The following CUX1 variants were observed in gnomAD, a reference collection of about 807,000 sequenced individuals.
The protein encoded by CUX1 is cut like homeobox 1, also known as protein CASP.
Under a neutral mutation model 158.8 loss-of-function variants are expected in CUX1, and 31 were observed. The ratio of observed to expected loss-of-function variants is 0.20; its 90% CI spans 0.15 to 0.26. CUX1 has a LOEUF of 0.26. CUX1 is among the 10% of genes least tolerant of loss of function. The probability of loss-of-function intolerance (pLI) is 1.00; values close to 1 mark genes in which losing one functional copy is unlikely to be tolerated. For missense variants in CUX1, 1,589 were observed against 2,014.6 expected (o/e 0.79, Z 4.04); for synonymous variants, 879 against 862.1 (o/e 1.02, Z -0.34).
chr7:102,237,562 G>A (rs578134349), intron 22 of CUX1, among the ~76,000 whole-genome samples: 27 of 152,158 alleles, frequency 1.8e-4, no homozygotes, highest in Non-Finnish European at 3.5e-4. Context: ...GATTATAGGC[G>A]AGAGCCACCA....
chr7:102,115,360 C>A (rs1012793191), intron 8 of CUX1, 87 bp downstream of exon 8: 7 of 1,131,164 alleles, frequency 6.2e-6, no homozygotes, highest in Non-Finnish European at 9.1e-6. Flanking sequence ...AGGTTCTTGA[C>A]CTCTGTGCTG....
At chr7:102,205,790 C>T (rs1021631695) in intron 20 of CUX1, among the ~76,000 whole-genome samples, 2 of 152,134 alleles carry the variant, frequency 1.3e-5, no homozygotes, top group Non-Finnish European at 2.9e-5. Flanking sequence ...GCCTCGAGGT[C>T]TCCAACCACA....
In CUX1 at chr7:102,031,369, T is replaced by TTTTG. The variant is rs372914061; in HGVS notation, c.189+3241_189+3244dup. On this transcript the variant is annotated intron_variant, in intron 3 of 23. Coordinates refer to ENST00000292535, the MANE Select transcript of CUX1 (RefSeq NM_181552.4). Reference sequence around the variant, plus strand: ...TGAGCCACCGCGCCTGGCCTGATTTTTTTGTTTGTTTGTTTGTTTGCTTTT... The same window carrying TTTTG: ...TGAGCCACCGCGCCTGGCCTGATTTTTTTGTTTGTTTGTTTGTTTGTTTGCTTTT... 2.1e-4 allele frequency among the ~76,000 whole-genome samples: 32 copies of TTTTG among 152,244 alleles called. No individual in the cohort carries two copies. The East Asian group carries it at 2.5e-3, about 12-fold the overall frequency.
intron 8 of CUX1, among the ~76,000 whole-genome samples, chr7:102,124,954 G>A (rs545788038): frequency 2.6e-5 from 4 of 152,122 alleles, no homozygotes; most frequent in Non-Finnish European, 5.9e-5. Flanking sequence ...GCTAATTTTT[G>A]TATTTTTAAC....
intron 1 of CUX1, among the ~76,000 whole-genome samples, chr7:101,833,502 G>A (rs1442998825): frequency 1.4e-5 from 2 of 140,738 alleles, no homozygotes; most frequent in African/African-American, 5.3e-5. Flanking sequence ...CTGCAGTGAC[G>A]TATGACAGTG....
chr7:102,105,417 T>G (rs1389386629), intron 6 of CUX1, among the ~76,000 whole-genome samples: 1 of 151,466 alleles, frequency 6.6e-6, no homozygotes, highest in Non-Finnish European at 1.5e-5. Flanking sequence ...TGAGTTGGTT[T>G]TCCCCTAGTG....
At chr7:102,097,331 G>A (rs782014907) in intron 4 of CUX1, 33 bp from the exon 5 acceptor site, 16 of 1,591,672 alleles carry the variant, frequency 1.0e-5, no homozygotes, top group South Asian at 4.6e-5. Context: ...TTTGCTGGCC[G>A]AGTGGGGTGA....
chr7:101,862,946 C>T (rs1797611472), intron 1 of CUX1, among the ~76,000 whole-genome samples: 1 of 151,508 alleles, frequency 6.6e-6, no homozygotes, highest in African/African-American at 2.4e-5. Context: ...TATACCCAAA[C>T]AGAAGAAGAT....
chr7:101,913,959 T>C (rs1803821884), intron 1 of CUX1, among the ~76,000 whole-genome samples: 1 of 152,088 alleles, frequency 6.6e-6, no homozygotes, highest in Non-Finnish European at 1.5e-5. Flanking sequence ...CCCTCCTCCC[T>C]CCAGATTGTT....
At chr7:101,853,156 C>A (rs189485851) in intron 1 of CUX1, among the ~76,000 whole-genome samples, 3 of 152,318 alleles carry the variant, frequency 2.0e-5, no homozygotes, top group African/African-American at 7.2e-5. Context: ...ATTCCTCCCA[C>A]CTCCTATTCC....
Position 102,227,350 on chromosome 7 carries a change from G to T in CUX1, c.3131-17G>T. 2 of 1,589,012 alleles carry T rather than the reference G, an allele frequency of 1.3e-6. No homozygotes were observed. The highest frequency in any genetic ancestry group is 2.3e-5 in the East Asian group (1 of 44,362). On this transcript the variant is annotated splice_polypyrimidine_tract_variant and intron_variant, in intron 20 of 23. Coordinates refer to ENST00000292535, the MANE Select transcript of CUX1 (RefSeq NM_181552.4). ...CAGCTATTTTCAGGCACGGTTTCTC[G>T]TGTGCTTTAATTACAGAAAGCACTC...
intron 3 of CUX1, 97 bp from the exon 4 acceptor site, chr7:102,070,242 G>A: frequency 9.8e-7 from 1 of 1,021,578 alleles, no homozygotes; most frequent in Non-Finnish European, 1.5e-6. Flanking sequence ...CATCTCCCTT[G>A]CTACGGGAAT....
At chr7:102,244,843 T>C (rs1800633733) in intron 23 of CUX1, among the ~76,000 whole-genome samples, 1 of 152,216 alleles carries the variant, frequency 6.6e-6, no homozygotes. Context: ...CACGGCATTC[T>C]GCGAGCCTTG....
chr7:101,860,025 T>C (rs1343688553), intron 1 of CUX1, among the ~76,000 whole-genome samples: 1 of 150,206 alleles, frequency 6.7e-6, no homozygotes, highest in Non-Finnish European at 1.5e-5. Flanking sequence ...CCTCTCTCTT[T>C]CTGTCTCTCT....
intron 2 of CUX1, among the ~76,000 whole-genome samples, chr7:102,007,088 C>T (rs566607453): frequency 6.6e-6 from 1 of 152,026 alleles, no homozygotes; most frequent in South Asian, 2.1e-4. Flanking sequence ...GCCTAGATGC[C>T]CCGAGGTCTT....
chr7:102,274,423 G>C (rs1554547161), intron 16 of CUX1: 8 of 862,344 alleles, frequency 9.3e-6, no homozygotes, highest in Non-Finnish European at 1.4e-5. Flanking sequence ...AGAAGGTCAG[G>C]CCCCCACGCC....
At chr7:102,159,278 G>A (rs113204806) in intron 9 of CUX1, among the ~76,000 whole-genome samples, 9,661 of 151,990 alleles carry the variant, frequency 0.064, 421 homozygotes, top group African/African-American at 0.11. Flanking sequence ...GTTCCTTACC[G>A]CCACGTTCTC....
intron 15 of CUX1, chr7:102,273,564 C>G: frequency 6.5e-7 from 1 of 1,537,838 alleles, no homozygotes. Flanking sequence ...CAAACACTGA[C>G]TTCCCAGATT....
chr7:102,191,292 G>A (rs553621082), intron 12 of CUX1, among the ~76,000 whole-genome samples: 11 of 152,306 alleles, frequency 7.2e-5, no homozygotes, highest in African/African-American at 2.6e-4. Context: ...GGAGTGCAAT[G>A]GTGCTATCTC....
Sources: gnomAD v4.1 joint callset for allele counts (sites outside exome capture counted in the v4.1 genomes callset) on GRCh38, gnomAD v4.1.1 for gene constraint, MANE v1.5 for transcripts, NCBI Gene and HGNC (gene_info 2026-07-23, HGNC 2026-07-21) for gene names.